HS6ST3: variants seen among roughly 807,000 people sequenced by gnomAD.
HS6ST3 encodes the protein heparan sulfate 6-O-sulfotransferase 3, also known as heparan-sulfate 6-O-sulfotransferase 3.
A neutral mutation model predicts 36.7 loss-of-function variants in HS6ST3; 12 were observed. The observed-to-expected ratio is 0.33, with a 90% CI of 0.21 to 0.53. HS6ST3 has a LOEUF of 0.53. Ranked by LOEUF, HS6ST3 falls within the 20% of genes least tolerant of loss-of-function variation. HS6ST3 has a pLI of 0.95. For synonymous variants in HS6ST3, 240 were observed against 257.5 expected (o/e 0.93, Z 0.65); for missense variants, 584 against 640.9 (o/e 0.91, Z 0.96).
chr13:96,101,439 G>A (rs777717252), intron 1 of HS6ST3, among the ~76,000 whole-genome samples: 4 of 151,640 alleles, frequency 2.6e-5, no homozygotes, highest in African/African-American at 4.8e-5. Context: ...CAATATTTCC[G>A]CATTTATTTT....
At chr13:96,454,390 T>G (rs1466340035) in intron 1 of HS6ST3, among the ~76,000 whole-genome samples, 1 of 152,154 alleles carries the variant, frequency 6.6e-6, no homozygotes. Context: ...TAATGAAAAA[T>G]GTAGTACTAT....
chr13:96,483,280 G>T (rs887862508), intron 1 of HS6ST3, among the ~76,000 whole-genome samples: 1 of 152,132 alleles, frequency 6.6e-6, no homozygotes, highest in African/African-American at 2.4e-5. Flanking sequence ...ATAAAAGGTG[G>T]CGCTTACGAG....
At chr13:96,686,357 C>T (rs1024173820) in intron 1 of HS6ST3, among the ~76,000 whole-genome samples, 2 of 151,968 alleles carry the variant, frequency 1.3e-5, no homozygotes, top group East Asian at 3.9e-4. Flanking sequence ...AGTTTATTGC[C>T]TGTGTAAACA....
At chr13:96,534,181 C>T (rs146780902) in intron 1 of HS6ST3, among the ~76,000 whole-genome samples, 1 of 152,152 alleles carries the variant, frequency 6.6e-6, no homozygotes, top group Non-Finnish European at 1.5e-5. Flanking sequence ...TATTTTTTAG[C>T]CCTACAGCAT....
In HS6ST3 at chr13:96,501,597, G is replaced by A. The variant is rs528025854; in HGVS notation, c.708-330893G>A. ...GAACAGAGCCGGGCCCTTAGCAACT[G>A]CTCCAGGAACAAATATTTGAACAAA... is the stretch of plus-strand genomic sequence containing the variant. On this transcript the variant is annotated intron_variant, in intron 1 of 1. Coordinates refer to ENST00000376705, the MANE Select transcript of HS6ST3 (RefSeq NM_153456.4). 1.4e-4 allele frequency among the ~76,000 whole-genome samples: 21 copies of A among 152,300 alleles called. No individual in the cohort carries two copies. The South Asian group carries it at 4.3e-3, about 32-fold the overall frequency.
rs575487104 is a variant in HS6ST3, at chr13:96,175,885, C to T, written c.707+84316C>T. Reference sequence around the variant, plus strand: ...AGTCTTGCTCTGTTGCCCAGGCTGGCGTGCAGTGGTGCAATCTCAGCTCAC... The same window carrying T: ...AGTCTTGCTCTGTTGCCCAGGCTGGTGTGCAGTGGTGCAATCTCAGCTCAC... On this transcript the variant is annotated intron_variant, in intron 1 of 1. Coordinates refer to ENST00000376705, the MANE Select transcript of HS6ST3 (RefSeq NM_153456.4). Among the ~76,000 whole-genome samples, 203 of 151,574 alleles carry T rather than the reference C, an allele frequency of 1.3e-3. 1 individual carries two copies. Among genetic ancestry groups the T allele is most frequent in the Non-Finnish European group, 2.0e-3 (133 of 67,856 alleles).
chr13:96,592,950 T>A (rs1300547642), intron 1 of HS6ST3, among the ~76,000 whole-genome samples: 1 of 151,988 alleles, frequency 6.6e-6, no homozygotes, highest in Admixed American at 6.6e-5. Context: ...TTCTATAATC[T>A]TCTTGTACTT....
intron 1 of HS6ST3, among the ~76,000 whole-genome samples, chr13:96,331,126 G>T (rs928968387): frequency 4.6e-5 from 7 of 152,044 alleles, no homozygotes; most frequent in African/African-American, 1.7e-4. Context: ...CCTTTGGTTT[G>T]AATGTCCTCC....
Position 96,749,907 on chromosome 13 carries a change from A to G in HS6ST3, c.708-82583A>G, listed in dbSNP as rs115942056. ...TATTACTTTTCTAATATTATTATTT[A>G]TATTTCTATCTGATTCATCAATTAC... On this transcript the variant is annotated intron_variant, in intron 1 of 1. Coordinates refer to ENST00000376705, the MANE Select transcript of HS6ST3 (RefSeq NM_153456.4). 9.5e-3 allele frequency among the ~76,000 whole-genome samples: 1,450 copies of G among 152,180 alleles called. 18 individuals are homozygous for G. Among genetic ancestry groups the G allele is most frequent in the African/African-American group, 0.033 (1,367 of 41,542 alleles).
rs911901548 is a variant in HS6ST3 at position 96,321,626 on chromosome 13, C to T, written c.707+230057C>T. ...TCACTGTCTCTCACTGTCCTCATTC[C>T]TGAACTTCCTCCTCACTCAGCATAA... On this transcript the variant is annotated intron_variant, in intron 1 of 1. Transcript: ENST00000376705. Among the ~76,000 whole-genome samples the T allele has an allele frequency of 6.6e-5, 10 of 152,176 alleles. 1 individual carries two copies.
chr13:96,754,990 C>T (rs1385507436), intron 1 of HS6ST3, among the ~76,000 whole-genome samples: 1 of 151,862 alleles, frequency 6.6e-6, no homozygotes, highest in African/African-American at 2.4e-5. Flanking sequence ...TTCCTTCTTA[C>T]TTTCTTAATT....
intron 1 of HS6ST3, among the ~76,000 whole-genome samples, chr13:96,618,020 C>T (rs2056480690): frequency 6.6e-6 from 1 of 152,204 alleles, no homozygotes; most frequent in African/African-American, 2.4e-5. Flanking sequence ...GTTTCTATGT[C>T]AGACAAACTT....
chr13:96,816,128 T>C lies in HS6ST3; in HGVS notation c.708-16362T>C, dbSNP rs1878418178. 2.0e-5 allele frequency among the ~76,000 whole-genome samples: 3 copies of C among 152,198 alleles called. No homozygotes were observed. The South Asian group carries it at 6.2e-4, about 31-fold the overall frequency. On this transcript the variant is annotated intron_variant, in intron 1 of 1. Transcript: ENST00000376705. The stretch of plus-strand genomic sequence containing the variant: ...GAATGACAGCAACACTCTAGATAGA[T>C]GCTGGAAAGCACAAAGGTGACTTGC...
intron 1 of HS6ST3, among the ~76,000 whole-genome samples, chr13:96,110,441 T>G (rs754960249): frequency 0.02 from 2,756 of 134,720 alleles, 47 homozygotes; most frequent in Non-Finnish European, 0.033. Context: ...TGTGTGTGTG[T>G]GTTTTTTTTT....
chr13:96,541,338 C>T (rs1453849298), intron 1 of HS6ST3, among the ~76,000 whole-genome samples: 2 of 152,068 alleles, frequency 1.3e-5, no homozygotes, highest in African/African-American at 4.8e-5. Context: ...TGCCCAGCCC[C>T]ATTTAGATCA....
chr13:96,289,193 T>C (rs1269490548), intron 1 of HS6ST3, among the ~76,000 whole-genome samples: 1 of 152,152 alleles, frequency 6.6e-6, no homozygotes, highest in East Asian at 1.9e-4. Flanking sequence ...ATTTGTAATA[T>C]GTAAACTCAA....
intron 1 of HS6ST3, among the ~76,000 whole-genome samples, chr13:96,694,029 T>C (rs1171668464): frequency 6.6e-6 from 1 of 152,194 alleles, no homozygotes; most frequent in African/African-American, 2.4e-5. Context: ...TTTTTAATTT[T>C]ATTTTAAATT....
At chr13:96,441,514 A>G (rs1190336389) in intron 1 of HS6ST3, among the ~76,000 whole-genome samples, 1 of 152,190 alleles carries the variant, frequency 6.6e-6, no homozygotes, top group East Asian at 1.9e-4. Flanking sequence ...GAAGCCCAAG[A>G]CAGCTGATGA....
chr13:96,324,880 T>C (rs1360826179), intron 1 of HS6ST3, among the ~76,000 whole-genome samples: 9 of 152,230 alleles, frequency 5.9e-5, no homozygotes, highest in African/African-American at 2.2e-4. Flanking sequence ...TCTCCAGAAC[T>C]GTGAGACAAT....
Sources: gnomAD v4.1 joint callset for allele counts (sites outside exome capture counted in the v4.1 genomes callset) on GRCh38, gnomAD v4.1.1 for gene constraint, MANE v1.5 for transcripts, NCBI Gene and HGNC (gene_info 2026-07-23, HGNC 2026-07-21) for gene names.